The following ABI3BP variants were observed in gnomAD, a reference collection of about 807,000 sequenced individuals.
ABI3BP encodes ABI family member 3 binding protein, also known as target of Nesh-SH3.
In ABI3BP, 216 loss-of-function variants were observed where a neutral mutation model predicts 268.6. The observed-to-expected ratio is 0.80, with a 90% CI of 0.72 to 0.90. ABI3BP has a LOEUF of 0.90. Ranked by LOEUF, ABI3BP falls within the 40% of genes least tolerant of loss-of-function variation. The pLI, the probability that ABI3BP is intolerant of heterozygous loss-of-function variation, is 0.00. For synonymous variants in ABI3BP, 730 were observed against 730.0 expected, an observed-to-expected ratio of 1.00 and a Z score of 0.00; for missense variants, 2,090 against 2,182.4, an observed-to-expected ratio of 0.96 and a Z score of 0.84.
chr3:100,765,091 CAA>C (rs764297870), intron 63 of ABI3BP, among the ~76,000 whole-genome samples: 72 of 129,948 alleles, frequency 5.5e-4, no homozygotes, highest in Admixed American at 1.4e-3. Context: ...CAATTGATGA[CAA>C]TGTGAACATT....
chr3:100,823,644 G>A, intron 36 of ABI3BP, 130 bp from the exon 37 acceptor site: 3 of 688,304 alleles, frequency 4.4e-6, no homozygotes, highest in Non-Finnish European at 4.6e-6. Flanking sequence ...CTTCTTAACT[G>A]AAGGAAAGAA....
chr3:100,881,727 A>G (rs73137254), intron 6 of ABI3BP, among the ~76,000 whole-genome samples: 55 of 152,006 alleles, frequency 3.6e-4, no homozygotes, highest in Non-Finnish European at 6.8e-4. Context: ...TTCCTCAATC[A>G]TATGGATCTC....
At chr3:100,891,644 A>G (rs2044715178) in intron 4 of ABI3BP, among the ~76,000 whole-genome samples, 1 of 152,202 alleles carries the variant, frequency 6.6e-6, no homozygotes, top group African/African-American at 2.4e-5. Context: ...CTATGATGCC[A>G]TCCCTGGAGA....
intron 1 of ABI3BP, among the ~76,000 whole-genome samples, chr3:100,958,522 A>C (rs528031550): frequency 1.1e-4 from 17 of 152,254 alleles, no homozygotes; most frequent in Non-Finnish European, 2.2e-4. Flanking sequence ...ACAGGAGTAT[A>C]TTATGAAAGT....
chr3:100,843,848 C>T (rs1204750327), intron 20 of ABI3BP: 9 of 984,990 alleles, frequency 9.1e-6, no homozygotes, highest in Non-Finnish European at 1.1e-5. Context: ...TTGCCTTCCA[C>T]AAGTGAAAAA....
chr3:100,834,909 C>A, intron 28 of ABI3BP, 136 bp from the exon 29 acceptor site: 1 of 723,274 alleles, frequency 1.4e-6, no homozygotes, highest in Non-Finnish European at 2.2e-6. Flanking sequence ...TTCTTCTGAT[C>A]ATCTATATGC....
intron 9 of ABI3BP, among the ~76,000 whole-genome samples, chr3:100,873,247 G>A (rs1283181215): frequency 2.6e-5 from 4 of 152,132 alleles, no homozygotes; most frequent in Admixed American, 2.0e-4. Flanking sequence ...TGAAGAGATA[G>A]CAATTTCTTT....
intron 6 of ABI3BP, among the ~76,000 whole-genome samples, chr3:100,878,882 T>G (rs1011027369): frequency 3.9e-5 from 6 of 152,212 alleles, no homozygotes; most frequent in African/African-American, 1.4e-4. Context: ...TTTTTTGCTA[T>G]TTTTAAAATC....
chr3:100,764,844 A>T (rs1238773631), intron 63 of ABI3BP, among the ~76,000 whole-genome samples: 1 of 152,252 alleles, frequency 6.6e-6, no homozygotes, highest in Non-Finnish European at 1.5e-5. Context: ...TTTGGCTAAA[A>T]GTCTTTTAAG....
Position 100,772,639 on chromosome 3 carries a change from G to A in ABI3BP, c.4532-1687C>T, listed in dbSNP as rs116948005. On this transcript the variant is annotated intron_variant, in intron 61 of 67. Coordinates refer to ENST00000471714, the MANE Select transcript of ABI3BP (RefSeq NM_001375547.2). ...ACAACAAAAAAGATTAAATGAAATCGTAACATACTCAACCTAAAAGAAGAT... is the reference window on the plus strand; with the variant it reads ...ACAACAAAAAAGATTAAATGAAATCATAACATACTCAACCTAAAAGAAGAT... Among the ~76,000 whole-genome samples the A allele has an allele frequency of 4.3e-4, 66 of 152,084 alleles. 1 individual carries two copies. The East Asian group carries it at 0.012, about 28-fold the overall frequency.
chr3:100,799,961 A>C (rs1274911028), intron 51 of ABI3BP, among the ~76,000 whole-genome samples: 2 of 152,058 alleles, frequency 1.3e-5, no homozygotes, highest in Non-Finnish European at 2.9e-5. Flanking sequence ...GTACACACCC[A>C]TCTTTATTCC....
chr3:100,854,759 A>C (rs902841069), intron 14 of ABI3BP, among the ~76,000 whole-genome samples: 6 of 152,266 alleles, frequency 3.9e-5, no homozygotes, highest in African/African-American at 1.2e-4. Context: ...AATAAAATAG[A>C]TAATTCAATT....
chr3:100,921,310 TGGCTGTA>T (rs1157711698), intron 2 of ABI3BP, among the ~76,000 whole-genome samples: 1 of 152,198 alleles, frequency 6.6e-6, no homozygotes, highest in Non-Finnish European at 1.5e-5. Context: ...CACATAACTG[TGGCTGTA>T]GGTCTTCCTC....
At chr3:100,906,771 T>C (rs567630764) in intron 2 of ABI3BP, among the ~76,000 whole-genome samples, 1 of 152,232 alleles carries the variant, frequency 6.6e-6, no homozygotes, top group African/African-American at 2.4e-5. Flanking sequence ...AATATTTTGT[T>C]AATTACTGGA....
chr3:100,946,313 G>A (rs2072234457), intron 1 of ABI3BP, among the ~76,000 whole-genome samples: 1 of 150,244 alleles, frequency 6.7e-6, no homozygotes, highest in Non-Finnish European at 1.5e-5. Flanking sequence ...AGAGGCTGAG[G>A]TGAGCCAAAT....
chr3:100,957,244 TTGTAGA>T (rs1253261604), intron 1 of ABI3BP, among the ~76,000 whole-genome samples: 1 of 152,120 alleles, frequency 6.6e-6, no homozygotes, highest in Non-Finnish European at 1.5e-5. Flanking sequence ...GCTAAAAAAT[TTGTAGA>T]TGAATCAAAA....
In ABI3BP at chr3:100,766,139, C is replaced by T. The variant is rs149716450; in HGVS notation, c.4742-190G>A. Among the ~76,000 whole-genome samples, 7 of 152,328 alleles carry T rather than the reference C, an allele frequency of 4.6e-5. No individual in the cohort carries two copies. In the East Asian group the frequency reaches 1.4e-3, roughly 29 times the overall value. On this transcript the variant is annotated intron_variant, in intron 62 of 67. Transcript: ENST00000471714. The stretch of plus-strand genomic sequence containing the variant: ...GGTCAGCAGATGAAGGCTCCAGAAG[C>T]ATTTTGGGATTTGTTCATTGACTAT...
chr3:100,794,258 G>A (rs534540896), intron 54 of ABI3BP, among the ~76,000 whole-genome samples: 59 of 152,108 alleles, frequency 3.9e-4, no homozygotes, highest in African/African-American at 1.4e-3. Flanking sequence ...GGCTGAGTGT[G>A]TAGATTCTAA....
intron 2 of ABI3BP, among the ~76,000 whole-genome samples, chr3:100,922,380 G>A (rs1471219995): frequency 6.6e-6 from 1 of 152,182 alleles, no homozygotes. Context: ...GAGAATTGAG[G>A]TTGAAGGTGG....
Sources: gnomAD v4.1 joint callset for allele counts (sites outside exome capture counted in the v4.1 genomes callset) on GRCh38, gnomAD v4.1.1 for gene constraint, MANE v1.5 for transcripts, NCBI Gene and HGNC (gene_info 2026-07-23, HGNC 2026-07-21) for gene names.